SCN2A: variants seen among roughly 807,000 people sequenced by gnomAD.
SCN2A encodes the protein sodium channel protein type 2 subunit alpha.
SCN2A carries 20 observed loss-of-function variants against 188.7 expected under a neutral mutation model. The observed-to-expected ratio is 0.11, with a 90% CI of 0.07 to 0.15. SCN2A has a LOEUF of 0.15. Ranked by LOEUF, SCN2A falls within the 10% of genes least tolerant of loss-of-function variation. The pLI is 1.00. For missense variants in SCN2A, 1,278 were observed against 2,445.0 expected (o/e 0.52, Z 10.07); for synonymous variants, 804 against 833.1 (o/e 0.97, Z 0.60).
At position 165,313,322 on chromosome 2, in the gene SCN2A, T is replaced by A. The variant is rs3816001; in HGVS notation, c.1035-298T>A. On this transcript the variant is annotated intron_variant, in intron 8 of 26. Coordinates refer to ENST00000375437, the MANE Select transcript of SCN2A (RefSeq NM_001040142.2). ...TCAACTTTTTCCTTACAGACTTTTTTAACTGCCCTTAAGTCCCAGAAGATA... is the reference window on the plus strand; with the variant it reads ...TCAACTTTTTCCTTACAGACTTTTTAAACTGCCCTTAAGTCCCAGAAGATA... Among the ~76,000 whole-genome samples, 5,108 of 152,226 alleles carry A rather than the reference T, an allele frequency of 0.034. 203 individuals are homozygous for A. Among genetic ancestry groups the A allele is most frequent in the East Asian group, 0.097 (504 of 5,176 alleles).
At chr2:165,308,152 T>A (rs1336064012) in intron 4 of SCN2A, among the ~76,000 whole-genome samples, 1 of 152,152 alleles carries the variant, frequency 6.6e-6, no homozygotes, top group Non-Finnish European at 1.5e-5. Context: ...TGACTGCTAT[T>A]ATCTGCAGCC....
At chr2:165,246,229 G>C (rs1693840302) in intron 1 of SCN2A, among the ~76,000 whole-genome samples, 1 of 152,136 alleles carries the variant, frequency 6.6e-6, no homozygotes, top group Non-Finnish European at 1.5e-5. Context: ...TAGGAATTTA[G>C]CTCCAAGAAC....
At chr2:165,285,218 G>A (rs891798552) in intron 1 of SCN2A, 5 of 153,222 alleles carry the variant, frequency 3.3e-5, no homozygotes, top group African/African-American at 1.2e-4. Context: ...CCAGGGCTGG[G>A]TGTGGGCAGT....
chr2:165,244,921 TAAC>T (rs1431092067), intron 1 of SCN2A, among the ~76,000 whole-genome samples: 2 of 152,088 alleles, frequency 1.3e-5, no homozygotes. Flanking sequence ...GACAACAAAA[TAAC>T]AACAGTTCTC....
intron 1 of SCN2A, among the ~76,000 whole-genome samples, chr2:165,257,208 C>G (rs567146551): frequency 2.6e-5 from 4 of 152,188 alleles, no homozygotes. Context: ...GGAAATATTT[C>G]AGAAACATTA....
At chr2:165,287,215 A>G (rs899701798) in intron 1 of SCN2A, among the ~76,000 whole-genome samples, 2 of 152,204 alleles carry the variant, frequency 1.3e-5, no homozygotes, top group South Asian at 4.1e-4. Context: ...AGTTTTATAC[A>G]TTGGCCTAGT....
In SCN2A at chr2:165,377,727, CAATAA is replaced by C. The variant is rs918816921; in HGVS notation, c.4308+86_4308+90del. 4.3e-6 allele frequency: 5 copies of C among 1,170,134 alleles called. No individual in the cohort carries two copies. The African/African-American group carries it at 6.2e-5, about 15-fold the overall frequency. 72.5% of individuals were successfully genotyped at this position (1,170,134 alleles called of 1,614,324 possible). On this transcript the variant is annotated intron_variant, in intron 23 of 26. Coordinates refer to ENST00000375437, the MANE Select transcript of SCN2A (RefSeq NM_001040142.2). Reference sequence around the variant, plus strand: ...CAATATTGTAATTTAGTGATATTGTCAATAAAATAAAATTATGTGCTTAATTTATA... The same window carrying C: ...CAATATTGTAATTTAGTGATATTGTCAATAAAATTATGTGCTTAATTTATA...
Position 165,390,177 on chromosome 2 carries a change from A to AGT in SCN2A, c.*356_*357dup. The AGT allele has an allele frequency of 4.5e-6, 1 of 223,162 alleles. No individual in the cohort carries two copies. The highest frequency in any genetic ancestry group is 9.0e-6 in the Non-Finnish European group (1 of 111,466). The allele number at this position is 223,162 out of a possible 1,614,324, so 13.8% of individuals were successfully genotyped here. On this transcript the variant is annotated 3_prime_UTR_variant, in exon 27 of 27. Transcript: ENST00000375437. ...ACACTTGATAATAGTAATTGTCACC[A>AGT]GTGTTTATGTTTTAACTGCCACACC...
chr2:165,295,661 A>T, intron 1 of SCN2A, 112 bp from the exon 2 acceptor site: 2 of 969,792 alleles, frequency 2.1e-6, no homozygotes, highest in Non-Finnish European at 3.1e-6. Context: ...CTTTGAAAAT[A>T]TTATAGCTAT....
chr2:165,377,882 C>T (rs1200768092), intron 23 of SCN2A, among the ~76,000 whole-genome samples: 2 of 151,748 alleles, frequency 1.3e-5, no homozygotes, highest in Non-Finnish European at 2.9e-5. Context: ...TAGCAAGGCA[C>T]CTGACACAAA....
chr2:165,310,162 C>T lies in SCN2A; in HGVS notation c.698-161C>T, dbSNP rs2116658. ...GCTTTCATTCATTTTCACCAGCTAG[C>T]AGGCTTTTCATGAAAATGTTATTCA... On this transcript the variant is annotated intron_variant, in intron 6 of 26. Coordinates refer to ENST00000375437, the MANE Select transcript of SCN2A (RefSeq NM_001040142.2). 0.29 allele frequency among the ~76,000 whole-genome samples: 44,770 copies of T among 152,012 alleles called. 6,911 individuals are homozygous for T. The highest frequency in any genetic ancestry group is 0.45 in the Middle Eastern group (132 of 294).
chr2:165,295,717 C>T, intron 1 of SCN2A, 56 bp from the exon 2 acceptor site: 2 of 1,529,456 alleles, frequency 1.3e-6, no homozygotes, highest in East Asian at 2.3e-5. Context: ...ATGTAACTGA[C>T]ACAATCACCT....
At chr2:165,315,855 CACAAT>C in intron 11 of SCN2A, 97 bp downstream of exon 11, 2 of 1,342,068 alleles carry the variant, frequency 1.5e-6, no homozygotes, top group Non-Finnish European at 2.1e-6. Flanking sequence ...ACCTGGATGG[CACAAT>C]GCTTTCAGAG....
chr2:165,358,437 T>C (rs1237537347), intron 17 of SCN2A, among the ~76,000 whole-genome samples: 1 of 152,180 alleles, frequency 6.6e-6, no homozygotes, highest in Non-Finnish European at 1.5e-5. Context: ...ATAATATTTA[T>C]CTGCTTCATT....
At chr2:165,287,920 T>C (rs1455511018) in intron 1 of SCN2A, among the ~76,000 whole-genome samples, 1 of 152,226 alleles carries the variant, frequency 6.6e-6, no homozygotes, top group Admixed American at 6.5e-5. Context: ...AGTACACTAA[T>C]CTCTTAAGAG....
At chr2:165,288,366 A>C (rs533780851) in intron 1 of SCN2A, among the ~76,000 whole-genome samples, 4 of 151,382 alleles carry the variant, frequency 2.6e-5, no homozygotes, top group South Asian at 2.1e-4. Context: ...CTTTATTAGC[A>C]ACTCATTTTT....
chr2:165,342,122 T>A (rs1699350285), intron 14 of SCN2A, among the ~76,000 whole-genome samples, 174 bp from the exon 15 acceptor site: 1 of 152,210 alleles, frequency 6.6e-6, no homozygotes, highest in Non-Finnish European at 1.5e-5. Context: ...TTATATATAG[T>A]GAACAATTAT....
Position 165,265,471 on chromosome 2 carries a change from CTATATATATATATATATATA to C in SCN2A, c.-52+25857_-52+25876del, listed in dbSNP as rs1178289931. ...TAGGTTATGTGTTTACTCTGTTGAT[CTATATATATATATATATATA>C]TATATATATATATATATATATATAT... On this transcript the variant is annotated intron_variant, in intron 1 of 26. Coordinates refer to ENST00000375437, the MANE Select transcript of SCN2A (RefSeq NM_001040142.2). 1.9e-3 allele frequency among the ~76,000 whole-genome samples: 56 copies of C among 29,022 alleles called. 4 individuals are homozygous for C. Among genetic ancestry groups the C allele is most frequent in the African/African-American group, 3.8e-3 (30 of 7,990 alleles). The allele number at this position is 29,022 out of a possible 152,430, so 19.0% of individuals were successfully genotyped here. A position where few individuals can be genotyped will look rare whatever the true frequency, so the allele number is the denominator to read the frequency against.
chr2:165,348,312 T>C (rs1300346797), intron 16 of SCN2A, among the ~76,000 whole-genome samples: 11 of 150,276 alleles, frequency 7.3e-5, no homozygotes, highest in Admixed American at 7.3e-4. Flanking sequence ...TGACCCGAGA[T>C]TGTGCCATTG....
Sources: allele counts gnomAD v4.1 joint callset (sites outside exome capture counted in the v4.1 genomes callset), GRCh38; gene constraint gnomAD v4.1.1; transcripts MANE v1.5; gene names NCBI Gene and HGNC (gene_info 2026-07-23, HGNC 2026-07-21).